Variants in WDR48 observed in about 807,000 individuals in gnomAD.
WDR48 encodes WD repeat-containing protein 48.
In WDR48, 22 loss-of-function variants were observed where a neutral mutation model predicts 94.0. That is an observed-to-expected ratio of 0.23 (90% CI 0.17 to 0.33). WDR48 has a LOEUF of 0.33. Among genes scored for constraint, WDR48 ranks in the 10% least tolerant of loss-of-function variants. The pLI, the probability that WDR48 is intolerant of heterozygous loss-of-function variation, is 1.00. For missense variants in WDR48, 541 were observed against 813.8 expected (o/e 0.66, Z 4.08); for synonymous variants, 278 against 280.5 (o/e 0.99, Z 0.09).
At chr3:39,084,340 A>G in intron 12 of WDR48, 78 bp downstream of exon 12, 1 of 1,087,862 alleles carries the variant, frequency 9.2e-7, no homozygotes, top group South Asian at 2.1e-5. Flanking sequence ...TATTAGTTAC[A>G]GAGTCCTGTG....
In WDR48 at chr3:39,079,805, G is replaced by A; in HGVS notation, c.1170G>A (p.Leu390=). ...ATAATGTGGCATATTGGGATGTATT[G>A]AAGGTGAGTATTTTTTTTGGGCTAA... ...TNNNVAYWDV[L]KACKVEDLGK... is the part of the protein sequence containing the mutation. Residue 390 remains leucine (L), a synonymous_variant, in exon 11 of 19, where the codon TTG becomes TTA. Transcript: ENST00000302313. The A allele has an allele frequency of 3.3e-6, 5 of 1,529,656 alleles. No individual in the cohort carries two copies. The highest frequency in any genetic ancestry group is 4.4e-6 in the Non-Finnish European group (5 of 1,146,254). The allele number at this position is 1,529,656 out of a possible 1,614,324, so 94.8% of individuals were successfully genotyped here.
intron 10 of WDR48, 71 bp downstream of exon 10, chr3:39,078,310 A>G: frequency 9.7e-7 from 1 of 1,026,794 alleles, no homozygotes; most frequent in Non-Finnish European, 1.5e-6. Context: ...ACAAAAATCA[A>G]GACAATGACC....
chr3:39,065,204 C>G (rs1346434015), intron 2 of WDR48, among the ~76,000 whole-genome samples: 1 of 152,170 alleles, frequency 6.6e-6, no homozygotes, highest in African/African-American at 2.4e-5. Flanking sequence ...CTCGAATCAC[C>G]TAATTGAAAT....
chr3:39,083,632 G>A (rs2034645232), intron 11 of WDR48, among the ~76,000 whole-genome samples: 2 of 152,226 alleles, frequency 1.3e-5, no homozygotes, highest in East Asian at 1.9e-4. Context: ...ATTTAGTTGA[G>A]ATGGACTGCA....
rs766134671 is a variant in WDR48, at chr3:39,052,034, C to T, written c.9C>T (p.Ala3=). MA[A]HHRQNTAGRR... ...GAGTGTCAACATGCAAGATGGCGGC[C>T]CATCACCGGCAGAACACAGCAGGGC... Residue 3 remains alanine (A), a synonymous_variant, in exon 1 of 19, where the codon GCC becomes GCT. Transcript: ENST00000302313. The T allele has an allele frequency of 6.2e-7, 1 of 1,613,822 alleles. No individual in the cohort carries two copies. The highest frequency in any genetic ancestry group is 1.3e-5 in the African/African-American group (1 of 74,912).
chr3:39,062,503 A>G (rs1321631401), intron 1 of WDR48, among the ~76,000 whole-genome samples: 1 of 152,204 alleles, frequency 6.6e-6, no homozygotes, highest in Non-Finnish European at 1.5e-5. Flanking sequence ...GGCCTTCTAA[A>G]GGAAGTATTG....
At chr3:39,086,719 G>A (rs547133595) in intron 14 of WDR48, among the ~76,000 whole-genome samples, 3 of 152,214 alleles carry the variant, frequency 2.0e-5, no homozygotes, top group Non-Finnish European at 2.9e-5. Context: ...CAGTTAGATG[G>A]GATACTCTCA....
chr3:39,061,114 T>C (rs116190368), intron 1 of WDR48, among the ~76,000 whole-genome samples: 4,927 of 152,326 alleles, frequency 0.032, 129 homozygotes, highest in Non-Finnish European at 0.049. Flanking sequence ...TTTTTAATTA[T>C]TATACTTCAA....
At chr3:39,066,967 AGAGAGTGTTTCATATTTT>A (rs1333180247) in intron 5 of WDR48, 92 bp downstream of exon 5, 4 of 1,453,608 alleles carry the variant, frequency 2.8e-6, no homozygotes, top group Non-Finnish European at 3.7e-6. Context: ...GTTTGCATCG[AGAGAGTGTTTCATATTTT>A]GAGAGTGCTT....
At chr3:39,063,740 C>T (rs1292545580) in intron 2 of WDR48, among the ~76,000 whole-genome samples, 2 of 151,494 alleles carry the variant, frequency 1.3e-5, no homozygotes, top group East Asian at 1.9e-4. Flanking sequence ...TCCAGGAGTT[C>T]GAGACCAGCC....
intron 1 of WDR48, chr3:39,052,561 G>C (rs1453664786): frequency 6.2e-6 from 1 of 161,668 alleles, no homozygotes; most frequent in African/African-American, 2.4e-5. Flanking sequence ...TTCCGCACTT[G>C]GGAGCCCCCA....
chr3:39,079,855 C>A lies in WDR48; in HGVS notation c.1173+47C>A, dbSNP rs200897539. The A allele has an allele frequency of 1.7e-3, 1,886 of 1,126,518 alleles. 7 individuals carry two copies. Among genetic ancestry groups the A allele is most frequent in the South Asian group, 4.4e-3 (248 of 56,152 alleles). 69.8% of individuals were successfully genotyped at this position (1,126,518 alleles called of 1,614,324 possible). On this transcript the variant is annotated intron_variant, in intron 11 of 18. Coordinates refer to ENST00000302313, the MANE Select transcript of WDR48 (RefSeq NM_020839.4). ...AATATAGGTTGTTAGATTGTATACC[C>A]CCTTTATTTTTTATTTTTTGTATGT...
intron 16 of WDR48, chr3:39,090,741 T>C (rs1486167038): frequency 6.6e-6 from 1 of 152,230 alleles, no homozygotes; most frequent in Admixed American, 6.5e-5. Flanking sequence ...GACTCTCTTA[T>C]GTACTGTTGG....
chr3:39,062,077 C>G (rs1488465156), intron 1 of WDR48, among the ~76,000 whole-genome samples: 1 of 152,166 alleles, frequency 6.6e-6, no homozygotes, highest in Non-Finnish European at 1.5e-5. Context: ...ATGATAGTTT[C>G]TTTTGCTGTG....
intron 17 of WDR48, among the ~76,000 whole-genome samples, chr3:39,092,876 TACACACACAC>T (rs3033301): frequency 1.4e-5 from 2 of 146,070 alleles, no homozygotes; most frequent in South Asian, 4.4e-4. Flanking sequence ...CATCTCTGTC[TACACACACAC>T]ACACACACAC....
chr3:39,096,359 A>C lies in WDR48; in HGVS notation c.*1616A>C, dbSNP rs2035332477. 1 of 151,746 alleles carries C rather than the reference A, an allele frequency of 6.6e-6. No individual in the cohort carries two copies. The highest frequency in any genetic ancestry group is 2.1e-4 in the South Asian group (1 of 4,824). The allele number at this position is 151,746 out of a possible 1,614,324, so 9.4% of individuals were successfully genotyped here. A position where few individuals can be genotyped will look rare whatever the true frequency, so the allele number is the denominator to read the frequency against. ...ATACAACAGTGTGCTTTTGGTGCAC[A>C]TTTTTTAGCAATAGTTGTGAATTAA... On this transcript the variant is annotated 3_prime_UTR_variant, in exon 19 of 19. Coordinates refer to ENST00000302313, the MANE Select transcript of WDR48 (RefSeq NM_020839.4).
Position 39,089,474 on chromosome 3 carries a change from G to T in WDR48, c.1668+156G>T, listed in dbSNP as rs1438631094. 4 of 498,056 alleles carry T rather than the reference G, an allele frequency of 8.0e-6. No homozygotes were observed. The East Asian group carries it at 1.3e-4, about 17-fold the overall frequency. 30.9% of individuals were successfully genotyped at this position (498,056 alleles called of 1,614,324 possible). A position where few individuals can be genotyped will look rare whatever the true frequency, so the allele number is the denominator to read the frequency against. On this transcript the variant is annotated intron_variant, in intron 16 of 18. Transcript: ENST00000302313. ...TTGCAGTTCCAAAGTTGCAGAAATA[G>T]TACTGATAATTATTTATCTATCTAG... is the stretch of plus-strand genomic sequence containing the variant.
intron 14 of WDR48, among the ~76,000 whole-genome samples, chr3:39,087,573 C>G (rs2034875275): frequency 6.6e-6 from 1 of 152,130 alleles, no homozygotes; most frequent in African/African-American, 2.4e-5. Flanking sequence ...GATCTGTGAT[C>G]ACACCACTGC....
intron 16 of WDR48, chr3:39,090,246 A>G (rs997876007): frequency 1.3e-5 from 2 of 152,026 alleles, no homozygotes; most frequent in Non-Finnish European, 2.9e-5. Context: ...ATCTTTTCAT[A>G]TTGGCCATTT....
Sources: allele counts gnomAD v4.1 joint callset (sites outside exome capture counted in the v4.1 genomes callset), GRCh38; gene constraint gnomAD v4.1.1; transcripts MANE v1.5; gene names NCBI Gene and HGNC (gene_info 2026-07-23, HGNC 2026-07-21).